FBXL18: variants seen among roughly 807,000 people sequenced by gnomAD.
FBXL18 encodes the protein F-box/LRR-repeat protein 18.
A neutral mutation model predicts 46.0 loss-of-function variants in FBXL18; 36 were observed. The ratio of observed to expected loss-of-function variants is 0.78; its 90% CI spans 0.60 to 1.03. FBXL18 has a LOEUF of 1.03. Ranked by LOEUF, FBXL18 falls within the 50% of genes least tolerant of loss-of-function variation. The pLI is 0.00. For missense variants in FBXL18, 977 were observed against 1,004.1 expected (o/e 0.97, Z 0.36); for synonymous variants, 557 against 465.3 (o/e 1.20, Z -2.54).
In FBXL18 at chr7:5,513,646, G is replaced by A. The variant is rs1286508580; in HGVS notation, c.18+11C>T. On this transcript the variant is annotated intron_variant, in intron 1 of 4. Transcript: ENST00000382368. ...AGGCAGAAGCAGAGCGGAGACAGTCGCGGACAGTACCTCTCCGGAGCTGGC... is the reference window on the plus strand; with the variant it reads ...AGGCAGAAGCAGAGCGGAGACAGTCACGGACAGTACCTCTCCGGAGCTGGC... 2.5e-6 allele frequency: 4 copies of A among 1,611,918 alleles called. No individual in the cohort carries two copies. In the South Asian group the frequency reaches 4.4e-5, roughly 18 times the overall value.
At chr7:5,497,226 A>T (rs1784105664) in intron 3 of FBXL18, among the ~76,000 whole-genome samples, 1 of 151,916 alleles carries the variant, frequency 6.6e-6, no homozygotes, top group Non-Finnish European at 1.5e-5. Context: ...GAAAGCCCAA[A>T]TTTTACATGC....
At chr7:5,510,150 A>C (rs1278373111) in intron 1 of FBXL18, among the ~76,000 whole-genome samples, 2 of 151,636 alleles carry the variant, frequency 1.3e-5, no homozygotes, top group African/African-American at 4.8e-5. Context: ...AAAAATACAA[A>C]AATTAGCTGG....
At chr7:5,481,993 TG>T in intron 4 of FBXL18, 62 bp from the exon 5 acceptor site, 1 of 1,536,648 alleles carries the variant, frequency 6.5e-7, no homozygotes, top group Non-Finnish European at 8.8e-7. Flanking sequence ...CGGAGCCTGC[TG>T]GGGAAGCCCA....
chr7:5,498,275 G>A (rs992411261), intron 3 of FBXL18, among the ~76,000 whole-genome samples: 4 of 151,972 alleles, frequency 2.6e-5, no homozygotes, highest in Admixed American at 2.0e-4. Flanking sequence ...TTTTAGTAGA[G>A]ACGGGTTTCA....
At chr7:5,495,736 C>T (rs575691944) in intron 3 of FBXL18, 1 of 464,296 alleles carries the variant, frequency 2.2e-6, no homozygotes, top group African/African-American at 2.0e-5. Context: ...AGCTCCTGCC[C>T]ACGGGCAAGC....
chr7:5,508,441 A>T (rs1209573843), intron 1 of FBXL18, among the ~76,000 whole-genome samples: 8 of 114,512 alleles, frequency 7.0e-5, no homozygotes, highest in South Asian at 2.7e-4. Flanking sequence ...GACTTTGTCT[A>T]AAAAAAAAAA....
In FBXL18 at chr7:5,501,603, G is replaced by A. The variant is rs1249952924; in HGVS notation, c.666C>T (p.Ser222=). ...GCAGGTTCTGGTAGTGCGGCACGTT[G>A]CTCTGGCCCACCATAAGCTGGCCCG... is the stretch of plus-strand genomic sequence containing the variant. The part of the protein sequence containing the change: ...ILSGQLMVGQ[S]NVPHYQNLRV... The change falls in exon 3 of 5, where the codon AGC becomes AGT. Residue 222 remains serine (S), a synonymous_variant. Coordinates refer to ENST00000382368, the MANE Select transcript of FBXL18 (RefSeq NM_024963.6). 6.2e-7 allele frequency: 1 copy of A among 1,613,726 alleles called. No homozygotes were observed. The highest frequency in any genetic ancestry group is 1.7e-5 in the Admixed American group (1 of 59,998).
At chr7:5,482,974 G>A (rs533971026) in intron 4 of FBXL18, among the ~76,000 whole-genome samples, 1 of 151,198 alleles carries the variant, frequency 6.6e-6, no homozygotes, top group South Asian at 2.1e-4. Context: ...GGAGGTAGAG[G>A]CGGCAGTGAG....
chr7:5,493,999 A>G (rs892533157), intron 3 of FBXL18, among the ~76,000 whole-genome samples: 4 of 152,004 alleles, frequency 2.6e-5, no homozygotes, highest in Non-Finnish European at 5.9e-5. Flanking sequence ...CAGGCCGGGC[A>G]CGGTGGCTCA....
chr7:5,482,636 CACAACCCT>C (rs1783678856), intron 4 of FBXL18, among the ~76,000 whole-genome samples: 1 of 152,018 alleles, frequency 6.6e-6, no homozygotes, highest in Non-Finnish European at 1.5e-5. Context: ...TTGCCTTCCC[CACAACCCT>C]ACAACCAACC....
chr7:5,463,724 ATTTAT>A (rs1783294347), intron 4 of FBXL18, among the ~76,000 whole-genome samples: 1 of 59,672 alleles, frequency 1.7e-5, no homozygotes, highest in African/African-American at 7.3e-5. Context: ...TTATTTATTT[ATTTAT>A]TTTTTTTTTT....
At chr7:5,499,415 T>C (rs1160630728) in intron 3 of FBXL18, among the ~76,000 whole-genome samples, 1 of 152,068 alleles carries the variant, frequency 6.6e-6, no homozygotes, top group Non-Finnish European at 1.5e-5. Context: ...TTTCTTCACA[T>C]GGTACTTACT....
Position 5,481,733 on chromosome 7 carries a change from C to T in FBXL18, c.*42G>A. The T allele has an allele frequency of 1.2e-6, 2 of 1,606,458 alleles. No individual in the cohort carries two copies. Among genetic ancestry groups the T allele is most frequent in the Non-Finnish European group, 1.7e-6 (2 of 1,176,312 alleles). On this transcript the variant is annotated 3_prime_UTR_variant, in exon 5 of 5. Transcript: ENST00000382368. ...TCCCTGGCGTCCCAGGCTCCTGCAG[C>T]TTCTCGAGGTGACTGAGACCGATGG...
intron 1 of FBXL18, among the ~76,000 whole-genome samples, chr7:5,506,267 T>A (rs1237905190): frequency 6.9e-6 from 1 of 144,454 alleles, no homozygotes. Context: ...TTTTTTTTTT[T>A]AGACAAGGTC....
chr7:5,505,678 G>A (rs940711067), intron 1 of FBXL18, 48 bp from the exon 2 acceptor site: 3 of 1,539,360 alleles, frequency 1.9e-6, no homozygotes, highest in Non-Finnish European at 1.8e-6. Flanking sequence ...AAGGATGGCT[G>A]TCAGCCTAGC....
intron 1 of FBXL18, among the ~76,000 whole-genome samples, chr7:5,506,745 C>T (rs540385971): frequency 1.5e-4 from 23 of 152,218 alleles, no homozygotes; most frequent in African/African-American, 4.6e-4. Flanking sequence ...TTAGTAAAGA[C>T]GGGGTTTTGC....
chr7:5,456,685 G>A (rs1783179351), intron 4 of FBXL18, among the ~76,000 whole-genome samples: 1 of 151,860 alleles, frequency 6.6e-6, no homozygotes, highest in South Asian at 2.1e-4. Flanking sequence ...ATGGCTAGGA[G>A]CAGAGAACAG....
At position 5,475,949 on chromosome 7, in the gene FBXL18, G is replaced by C. The variant is rs187156399; in HGVS notation, c.*5826C>G. On this transcript the variant is annotated 3_prime_UTR_variant, in exon 5 of 5. Coordinates refer to ENST00000382368, the MANE Select transcript of FBXL18 (RefSeq NM_024963.6). This position sits in a 1 kb window ranked among gnomAD's most constrained non-coding sequence, Gnocchi z 4.2. ...CGCCACGGGGGCAGGTCAGCGGGAC[G>C]GGGACAGGGAGGTTGGTCATCGAAA... The C allele has an allele frequency of 2.6e-5, 4 of 152,422 alleles. No individual in the cohort carries two copies. Among genetic ancestry groups the C allele is most frequent in the Non-Finnish European group, 5.9e-5 (4 of 68,084 alleles). The allele number at this position is 152,422 out of a possible 1,614,324, so 9.4% of individuals were successfully genotyped here.
At chr7:5,482,559 C>A (rs1783676803) in intron 4 of FBXL18, among the ~76,000 whole-genome samples, 1 of 142,810 alleles carries the variant, frequency 7.0e-6, no homozygotes, top group South Asian at 2.5e-4. Context: ...AAAACTCATG[C>A]ACAATTGCCA....
Sources: gnomAD v4.1 joint callset for allele counts (sites outside exome capture counted in the v4.1 genomes callset) on GRCh38, gnomAD v4.1.1 for gene constraint, Gnocchi (gnomAD v3.1) non-coding constraint, MANE v1.5 for transcripts, NCBI Gene and HGNC (gene_info 2026-07-23, HGNC 2026-07-21) for gene names.